The following GRIN2A variants were observed in gnomAD, a reference collection of about 807,000 sequenced individuals.
The protein encoded by GRIN2A is glutamate ionotropic receptor NMDA type subunit 2A.
GRIN2A carries 22 observed loss-of-function variants against 113.4 expected under a neutral mutation model. The ratio of observed to expected loss-of-function variants is 0.19; its 90% CI spans 0.14 to 0.28. The LOEUF is 0.28. Among genes scored for constraint, GRIN2A ranks in the 10% least tolerant of loss-of-function variants. The pLI, the probability that GRIN2A is intolerant of heterozygous loss-of-function variation, is 1.00. For synonymous variants in GRIN2A, 827 were observed against 738.4 expected, an observed-to-expected ratio of 1.12 and a Z score of -1.94; for missense variants, 1,502 against 1,887.0, an observed-to-expected ratio of 0.80 and a Z score of 3.78.
intron 2 of GRIN2A, among the ~76,000 whole-genome samples, chr16:10,159,059 C>T (rs1189500201): frequency 6.6e-6 from 1 of 152,016 alleles, no homozygotes; most frequent in Non-Finnish European, 1.5e-5. Flanking sequence ...AGTTCAGGGC[C>T]CAGCTCTGTT....
chr16:9,764,901 C>T lies in GRIN2A; in HGVS notation c.2643G>A (p.Lys881=). ...IHGVHIEEKK[K]SPDFNLTGSQ... ...ATCCCGTCAGATTGAAGTCTGGAGA[C>T]TTCTTCTTTTCTTCAATGTGCACTC... Residue 881 remains lysine, a synonymous_variant, in exon 13 of 13, where the codon AAG becomes AAA. Transcript: ENST00000330684. The T allele has an allele frequency of 6.2e-7, 1 of 1,614,102 alleles. No homozygotes were observed. Among genetic ancestry groups the T allele is most frequent in the Non-Finnish European group, 8.5e-7 (1 of 1,179,946 alleles).
chr16:10,081,667 G>T (rs997050262), intron 2 of GRIN2A, among the ~76,000 whole-genome samples: 1 of 152,172 alleles, frequency 6.6e-6, no homozygotes, highest in Non-Finnish European at 1.5e-5. Flanking sequence ...CTTTCATGAA[G>T]ATAAAGTTTC....
chr16:10,051,766 T>C (rs916451440), intron 2 of GRIN2A, among the ~76,000 whole-genome samples: 1 of 151,990 alleles, frequency 6.6e-6, no homozygotes, highest in East Asian at 1.9e-4. Context: ...ACTGTGCAGG[T>C]GGTACAGAAG....
chr16:10,146,782 G>C (rs993246891), intron 2 of GRIN2A, among the ~76,000 whole-genome samples: 1 of 151,934 alleles, frequency 6.6e-6, no homozygotes, highest in Non-Finnish European at 1.5e-5. Context: ...GAGATAAAGA[G>C]CTTCCCCATC....
intron 11 of GRIN2A, 131 bp downstream of exon 11, chr16:9,798,146 G>A: frequency 1.3e-6 from 1 of 759,738 alleles, no homozygotes; most frequent in Admixed American, 2.0e-5. Context: ...GGTTTCATGT[G>A]ACAGGAACTC....
chr16:9,947,795 T>A lies in GRIN2A; in HGVS notation c.415-9244A>T, dbSNP rs372851334. 2.0e-5 allele frequency among the ~76,000 whole-genome samples: 3 copies of A among 151,856 alleles called. No homozygotes were observed. The South Asian group carries it at 6.2e-4, about 32-fold the overall frequency. ...GGCTCCATTTTCTCATTTTTTTTTT[T>A]AAATGGAGGGAATTTTATTCCCTAC... On this transcript the variant is annotated intron_variant, in intron 2 of 12. Coordinates refer to ENST00000330684, the MANE Select transcript of GRIN2A (RefSeq NM_001134407.3).
intron 2 of GRIN2A, among the ~76,000 whole-genome samples, chr16:10,122,101 G>T (rs1261787182): frequency 6.6e-6 from 1 of 152,174 alleles, no homozygotes; most frequent in Non-Finnish European, 1.5e-5. Flanking sequence ...TACCAGCTGT[G>T]AAACTGGTAA....
At chr16:10,127,293 T>C (rs2048960135) in intron 2 of GRIN2A, among the ~76,000 whole-genome samples, 1 of 152,046 alleles carries the variant, frequency 6.6e-6, no homozygotes, top group Non-Finnish European at 1.5e-5. Context: ...ATTGGCTGTA[T>C]GTTCAAGATG....
At chr16:9,794,338 A>G (rs1204844079) in intron 11 of GRIN2A, among the ~76,000 whole-genome samples, 2 of 152,208 alleles carry the variant, frequency 1.3e-5, no homozygotes, top group African/African-American at 4.8e-5. Flanking sequence ...TAGACTCATA[A>G]TCGTCCACTG....
intron 4 of GRIN2A, among the ~76,000 whole-genome samples, chr16:9,880,379 C>T (rs528960335): frequency 2.6e-5 from 4 of 151,142 alleles, no homozygotes; most frequent in East Asian, 1.9e-4. Context: ...TTGCAGTTTT[C>T]GCTGTTTTTT....
At chr16:10,021,875 T>C (rs2046731679) in intron 2 of GRIN2A, among the ~76,000 whole-genome samples, 1 of 152,068 alleles carries the variant, frequency 6.6e-6, no homozygotes, top group African/African-American at 2.4e-5. Context: ...TAACTTCTCT[T>C]CTCAGTGGAC....
chr16:9,796,756 G>A (rs969415524), intron 11 of GRIN2A, among the ~76,000 whole-genome samples: 3 of 152,186 alleles, frequency 2.0e-5, no homozygotes, highest in Non-Finnish European at 4.4e-5. Flanking sequence ...AGGAAGCAGA[G>A]GCACTATCCC....
intron 4 of GRIN2A, among the ~76,000 whole-genome samples, chr16:9,856,250 C>T (rs1320532802): frequency 6.6e-6 from 1 of 152,122 alleles, no homozygotes; most frequent in African/African-American, 2.4e-5. Flanking sequence ...CAGTGAAAAC[C>T]TCTAGAGCAC....
At chr16:10,162,799 G>A (rs953909726) in intron 2 of GRIN2A, among the ~76,000 whole-genome samples, 11 of 152,178 alleles carry the variant, frequency 7.2e-5, no homozygotes, top group African/African-American at 2.7e-4. Context: ...ATATCAGAGG[G>A]TTCTCCTACC....
At chr16:9,964,023 T>C (rs2045500238) in intron 2 of GRIN2A, among the ~76,000 whole-genome samples, 2 of 152,128 alleles carry the variant, frequency 1.3e-5, no homozygotes, top group Admixed American at 6.5e-5. Flanking sequence ...TGTGGTGTCT[T>C]GATGCACAGC....
chr16:10,134,854 G>C (rs2049158445), intron 2 of GRIN2A, among the ~76,000 whole-genome samples: 1 of 152,040 alleles, frequency 6.6e-6, no homozygotes, highest in East Asian at 1.9e-4. Flanking sequence ...GATGGCCAAG[G>C]GGTACATGAG....
chr16:10,125,795 C>A (rs1469097034), intron 2 of GRIN2A, among the ~76,000 whole-genome samples: 4 of 151,980 alleles, frequency 2.6e-5, no homozygotes, highest in Non-Finnish European at 5.9e-5. Flanking sequence ...ATCAGGCGTC[C>A]TACAGGGAGA....
intron 2 of GRIN2A, among the ~76,000 whole-genome samples, chr16:10,122,400 C>T (rs2048852473): frequency 6.6e-6 from 1 of 152,052 alleles, no homozygotes; most frequent in African/African-American, 2.4e-5. Context: ...GAGGTAGGGG[C>T]ACGGCTGCAA....
intron 2 of GRIN2A, among the ~76,000 whole-genome samples, chr16:10,004,820 T>C (rs1436675510): frequency 6.6e-6 from 1 of 152,162 alleles, no homozygotes; most frequent in East Asian, 1.9e-4. Flanking sequence ...CTTAATCACA[T>C]TGGCAAAGCC....
Sources: allele counts gnomAD v4.1 joint callset (sites outside exome capture counted in the v4.1 genomes callset), GRCh38; gene constraint gnomAD v4.1.1; transcripts MANE v1.5; gene names NCBI Gene and HGNC (gene_info 2026-07-23, HGNC 2026-07-21).